ZC3H14: variants seen among roughly 807,000 people sequenced by gnomAD.
ZC3H14 encodes the protein zinc finger CCCH-type containing 14, also known as zinc finger CCCH domain-containing protein 14.
ZC3H14 carries 31 observed loss-of-function variants against 92.4 expected under a neutral mutation model. The observed-to-expected ratio is 0.34, with a 90% confidence interval of 0.25 to 0.45. The LOEUF (loss-of-function observed/expected upper bound fraction) is 0.45. Among genes scored for constraint, ZC3H14 ranks in the 20% least tolerant of loss-of-function variants. The pLI is 1.00. For synonymous variants in ZC3H14, 321 were observed against 300.9 expected, an observed-to-expected ratio of 1.07 and a Z score of -0.69; for missense variants, 781 against 897.3, an observed-to-expected ratio of 0.87 and a Z score of 1.66.
intron 2 of ZC3H14, among the ~76,000 whole-genome samples, chr14:88,567,274 C>A (rs1204563021): frequency 2.6e-5 from 4 of 151,678 alleles, no homozygotes; most frequent in Non-Finnish European, 5.9e-5. Context: ...CACCACCACA[C>A]CCGGCTAATT....
intron 12 of ZC3H14, among the ~76,000 whole-genome samples, chr14:88,604,786 G>A (rs2085126669): frequency 6.6e-6 from 1 of 151,994 alleles, no homozygotes; most frequent in Non-Finnish European, 1.5e-5. Context: ...TAGAGACGGG[G>A]TTTTACCATG....
In ZC3H14 at chr14:88,572,204, A is replaced by G; in HGVS notation, c.410A>G (p.Glu137Gly). 1 of 1,614,178 alleles carries G rather than the reference A, an allele frequency of 6.2e-7. No homozygotes were observed. ...RDSRVSTSSQ[E>G]SKTTNVRQTY... ...TCCAGAGTTTCTACAAGTTCGCAGG[A>G]GTCAAAAACCACAAATGTCAGGTAA... is the stretch of plus-strand genomic sequence containing the variant. The change falls in exon 5 of 17, where the codon GAG (glutamate) becomes GGG (glycine). Residue 137 changes from glutamate to glycine, a missense_variant. Around this residue, in one of 3 missense-constraint regions of ZC3H14, gnomAD observed 454 missense variants for 438.5 expected, o/e 1.04. Coordinates refer to ENST00000251038, the MANE Select transcript of ZC3H14 (RefSeq NM_024824.5).
At position 88,624,007 on chromosome 14, in the gene ZC3H14, C is replaced by T. The variant is rs1567023660; in HGVS notation, c.*12256C>T. On this transcript the variant is annotated 3_prime_UTR_variant, in exon 17 of 17. Coordinates refer to ENST00000251038, the MANE Select transcript of ZC3H14 (RefSeq NM_024824.5). ...AAATTCTGCGCTTGTGTTTAATTAA[C>T]ATATGTGGGTTCTTTCAATCCTGTA... 1.3e-5 allele frequency: 2 copies of T among 152,188 alleles called. No homozygotes were observed. Among genetic ancestry groups the T allele is most frequent in the Admixed American group, 6.5e-5 (1 of 15,274 alleles). The allele number at this position is 152,188 out of a possible 1,614,324, so 9.4% of individuals were successfully genotyped here.
chr14:88,594,219 G>A (rs1005672809), intron 9 of ZC3H14, among the ~76,000 whole-genome samples: 19 of 152,116 alleles, frequency 1.2e-4, no homozygotes, highest in African/African-American at 4.6e-4. Flanking sequence ...TGATGAAAAG[G>A]GAAAAGTACA....
rs191386296 is a variant in ZC3H14 at position 88,580,037 on chromosome 14, A to C, written c.1279+1897A>C. 9.8e-4 allele frequency among the ~76,000 whole-genome samples: 149 copies of C among 152,250 alleles called. 1 individual carries two copies. The highest frequency in any genetic ancestry group is 9.3e-3 in the Admixed American group (143 of 15,296). On this transcript the variant is annotated intron_variant, in intron 9 of 16. Transcript: ENST00000251038. Reference sequence around the variant, plus strand: ...GCATAGCAAAACCCTGTCTCGACAAAAAATAAAAATATTAGCTGGGCAAGG... The same window carrying C: ...GCATAGCAAAACCCTGTCTCGACAACAAATAAAAATATTAGCTGGGCAAGG...
chr14:88,571,516 A>G (rs2080390962), intron 4 of ZC3H14, among the ~76,000 whole-genome samples: 1 of 152,258 alleles, frequency 6.6e-6, no homozygotes, highest in African/African-American at 2.4e-5. Context: ...ATATACACGC[A>G]TAAGATACAT....
chr14:88,602,781 T>C (rs1487875967), intron 11 of ZC3H14, 47 bp from the exon 12 acceptor site: 1 of 1,593,506 alleles, frequency 6.3e-7, no homozygotes, highest in African/African-American at 1.3e-5. Context: ...GCTCAGCGTT[T>C]TGTGTTTGTT....
chr14:88,594,816 T>C, intron 9 of ZC3H14: 1 of 1,614,102 alleles, frequency 6.2e-7, no homozygotes, highest in Non-Finnish European at 8.5e-7. Flanking sequence ...CAAGCTCCTC[T>C]TGTTCACTGA....
At chr14:88,587,036 C>T (rs2082549920) in intron 9 of ZC3H14, among the ~76,000 whole-genome samples, 1 of 152,112 alleles carries the variant, frequency 6.6e-6, no homozygotes, top group Non-Finnish European at 1.5e-5. Context: ...TGCTTCCAAG[C>T]TCATACAGCA....
In ZC3H14 at chr14:88,626,750, A is replaced by G. The variant is rs2089995858; in HGVS notation, c.*14999A>G. ...GTAATGATTAGCAGATCACAGTATCATCTCAACAACATTCATGTGGCTGAT... is the reference window on the plus strand; with the variant it reads ...GTAATGATTAGCAGATCACAGTATCGTCTCAACAACATTCATGTGGCTGAT... On this transcript the variant is annotated 3_prime_UTR_variant, in exon 17 of 17. Coordinates refer to ENST00000251038, the MANE Select transcript of ZC3H14 (RefSeq NM_024824.5). 6.9e-6 allele frequency: 9 copies of G among 1,309,866 alleles called. No homozygotes were observed. The South Asian group carries it at 1.0e-4, about 15-fold the overall frequency. The allele number at this position is 1,309,866 out of a possible 1,614,324, so 81.1% of individuals were successfully genotyped here.
intron 7 of ZC3H14, 75 bp downstream of exon 7, chr14:88,574,928 C>G: frequency 6.2e-7 from 1 of 1,602,060 alleles, no homozygotes; most frequent in Non-Finnish European, 8.5e-7. Flanking sequence ...AGAGAATAAT[C>G]ACGAAAATAA....
At chr14:88,567,005 C>T (rs1298260692) in intron 2 of ZC3H14, among the ~76,000 whole-genome samples, 2 of 151,542 alleles carry the variant, frequency 1.3e-5, no homozygotes, top group Non-Finnish European at 2.9e-5. Flanking sequence ...GCTTCCTTAT[C>T]TTCTTAGTGA....
In ZC3H14 at chr14:88,627,189, C is replaced by A; in HGVS notation, c.*15438C>A. On this transcript the variant is annotated 3_prime_UTR_variant, in exon 17 of 17. Transcript: ENST00000251038. Reference sequence around the variant, plus strand: ...GCCCCTGCTCTACTACCTAGCAATACATGATTTACAATTATTTGTGTATTG... The same window carrying A: ...GCCCCTGCTCTACTACCTAGCAATAAATGATTTACAATTATTTGTGTATTG... 1.4e-6 allele frequency: 1 copy of A among 709,046 alleles called. No homozygotes were observed. Among genetic ancestry groups the A allele is most frequent in the East Asian group, 2.6e-5 (1 of 38,428 alleles). The allele number at this position is 709,046 out of a possible 1,614,324, so 43.9% of individuals were successfully genotyped here.
chr14:88,603,187 C>T (rs1281211448), intron 12 of ZC3H14, 127 bp downstream of exon 12: 2 of 935,126 alleles, frequency 2.1e-6, no homozygotes, highest in Non-Finnish European at 1.7e-6. Context: ...GGCCTTTTTT[C>T]TTCTTTCAGA....
chr14:88,616,468 G>A lies in ZC3H14; in HGVS notation c.*4717G>A. ...TCTGACCATTTTTCTCTAAGGAAAA[G>A]CATTTGAAATTTGATAACTGATTAT... On this transcript the variant is annotated 3_prime_UTR_variant, in exon 17 of 17. Transcript: ENST00000251038. 1.6e-6 allele frequency: 1 copy of A among 608,610 alleles called. No individual in the cohort carries two copies. 37.7% of individuals were successfully genotyped at this position (608,610 alleles called of 1,614,324 possible).
chr14:88,625,223 C>A lies in ZC3H14; in HGVS notation c.*13472C>A. ...TATGTATGTGTAATGCTGTCTCACC[C>A]TTGATACAAAGAGCATGCATCGTGT... On this transcript the variant is annotated 3_prime_UTR_variant, in exon 17 of 17. Coordinates refer to ENST00000251038, the MANE Select transcript of ZC3H14 (RefSeq NM_024824.5). The A allele has an allele frequency of 7.2e-7, 1 of 1,393,924 alleles. No individual in the cohort carries two copies. The highest frequency in any genetic ancestry group is 1.4e-5 in the South Asian group (1 of 71,282). The allele number at this position is 1,393,924 out of a possible 1,614,324, so 86.3% of individuals were successfully genotyped here.
Position 88,618,783 on chromosome 14 carries a change from A to C in ZC3H14, c.*7032A>C. ...ATCCACTGAGTTCTCACTAGAACCT[A>C]CTGCCAGATACCGGGAATCCGGACT... On this transcript the variant is annotated 3_prime_UTR_variant, in exon 17 of 17. Coordinates refer to ENST00000251038, the MANE Select transcript of ZC3H14 (RefSeq NM_024824.5). The C allele has an allele frequency of 6.3e-7, 1 of 1,595,826 alleles. No homozygotes were observed. The highest frequency in any genetic ancestry group is 8.5e-7 in the Non-Finnish European group (1 of 1,169,884).
chr14:88,578,927 C>T (rs1034695889), intron 9 of ZC3H14, among the ~76,000 whole-genome samples: 4 of 151,572 alleles, frequency 2.6e-5, no homozygotes, highest in Non-Finnish European at 4.4e-5. Flanking sequence ...CCAGAACTAA[C>T]GCTATTAGTT....
At position 88,621,091 on chromosome 14, in the gene ZC3H14, T is replaced by TA. The variant is rs749912684; in HGVS notation, c.*9347dup. 1.8e-5 allele frequency: 28 copies of TA among 1,599,088 alleles called. No homozygotes were observed. The highest frequency in any genetic ancestry group is 4.5e-5 in the South Asian group (4 of 88,166). ...TCTTTTTAGAAGTTGTAACCTCTTT[T>TA]AAAAAAATTATCTGTACTTACTTTA... On this transcript the variant is annotated 3_prime_UTR_variant, in exon 17 of 17. Coordinates refer to ENST00000251038, the MANE Select transcript of ZC3H14 (RefSeq NM_024824.5).
Sources: allele counts gnomAD v4.1 joint callset (sites outside exome capture counted in the v4.1 genomes callset), GRCh38; gene constraint gnomAD v4.1.1; regional missense constraint gnomAD v4.1.1; transcripts MANE v1.5; gene names NCBI Gene and HGNC (gene_info 2026-07-23, HGNC 2026-07-21).